Variants in ZNF248 observed in about 807,000 individuals in gnomAD.
ZNF248 encodes the protein zinc finger protein 248.
Under a neutral mutation model 44.3 loss-of-function variants are expected in ZNF248, and 20 were observed. The observed-to-expected ratio is 0.45, with a 90% CI of 0.32 to 0.66. The LOEUF is 0.66. ZNF248 is among the 30% of genes least tolerant of loss of function. The pLI, the probability that ZNF248 is intolerant of heterozygous loss-of-function variation, is 0.04. For synonymous variants in ZNF248, 224 were observed against 229.0 expected, an observed-to-expected ratio of 0.98 and a Z score of 0.20; for missense variants, 654 against 677.0, an observed-to-expected ratio of 0.97 and a Z score of 0.38.
At chr10:37,817,754 T>C (rs556591948) in intron 6 of ZNF248, among the ~76,000 whole-genome samples, 164 of 152,320 alleles carry the variant, frequency 1.1e-3, no homozygotes, top group African/African-American at 3.8e-3. Flanking sequence ...GTGTCTTTAA[T>C]AGGCAACAGC....
intron 6 of ZNF248, among the ~76,000 whole-genome samples, chr10:37,786,126 C>T (rs1248082255): frequency 6.6e-6 from 1 of 152,140 alleles, no homozygotes; most frequent in Non-Finnish European, 1.5e-5. Context: ...CTCACTAAGG[C>T]TGATCAAGCT....
chr10:37,758,929 A>G, the ZNF248 span, among the ~76,000 whole-genome samples: 11 of 152,224 alleles, frequency 7.2e-5, no homozygotes, highest in African/African-American at 2.7e-4. Flanking sequence ...CACATCTGAC[A>G]TCTTATTCTT....
At chr10:37,772,266 A>G (rs1015044906), downstream of ZNF248, among the ~76,000 whole-genome samples, 6 of 128,518 alleles carry the variant, frequency 4.7e-5, no homozygotes, top group African/African-American at 2.3e-4. Flanking sequence ...CTGTCTCAAG[A>G]AAAAAAAAAA....
chr10:37,767,170 G>A, the ZNF248 span, among the ~76,000 whole-genome samples: 1 of 152,168 alleles, frequency 6.6e-6, no homozygotes, highest in African/African-American at 2.4e-5. Flanking sequence ...AAAGTGACGG[G>A]GAGAAAGGAA....
intron 6 of ZNF248, among the ~76,000 whole-genome samples, chr10:37,808,096 CAATT>C (rs1160335559): frequency 2.0e-5 from 3 of 152,038 alleles, no homozygotes; most frequent in Non-Finnish European, 4.4e-5. Context: ...TTCTCTTCAT[CAATT>C]GACATCATGT....
At chr10:37,834,219 A>G (rs186018362) in intron 5 of ZNF248, among the ~76,000 whole-genome samples, 118 of 152,286 alleles carry the variant, frequency 7.7e-4, no homozygotes, top group Admixed American at 1.2e-3. Flanking sequence ...TTAAGGCTCC[A>G]CTTGCTCCAT....
intron 6 of ZNF248, among the ~76,000 whole-genome samples, chr10:37,793,216 T>C (rs11011368): frequency 0.027 from 4,173 of 151,974 alleles, 142 homozygotes; most frequent in African/African-American, 0.082. Flanking sequence ...ATGCCTGTAG[T>C]CCCAGCTACT....
At chr10:37,822,815 T>G (rs1274530553) in intron 6 of ZNF248, among the ~76,000 whole-genome samples, 1 of 152,122 alleles carries the variant, frequency 6.6e-6, no homozygotes, top group Non-Finnish European at 1.5e-5. Context: ...AAATTTGTGT[T>G]GGGCTGCATT....
chr10:37,821,667 C>A (rs1301591763), intron 6 of ZNF248, among the ~76,000 whole-genome samples: 1 of 152,202 alleles, frequency 6.6e-6, no homozygotes, highest in Non-Finnish European at 1.5e-5. Context: ...ACTGCTCAGT[C>A]CCAGTCCCTA....
At chr10:37,851,446 A>G (rs2060205873) in intron 3 of ZNF248, among the ~76,000 whole-genome samples, 1 of 152,188 alleles carries the variant, frequency 6.6e-6, no homozygotes, top group South Asian at 2.1e-4. Flanking sequence ...CCTTTGTCTT[A>G]ACGTTTCTCT....
At chr10:37,777,467 C>T (rs551357153) in intron 6 of ZNF248, among the ~76,000 whole-genome samples, 1 of 152,160 alleles carries the variant, frequency 6.6e-6, no homozygotes, top group African/African-American at 2.4e-5. Flanking sequence ...CAATGCGTCT[C>T]CAGAATCGCA....
At position 37,831,752 on chromosome 10, in the gene ZNF248, G is replaced by C. The variant is rs2055703949; in HGVS notation, c.1603C>G (p.Leu535Val). The C allele has an allele frequency of 1.9e-6, 3 of 1,613,140 alleles. No homozygotes were observed. Residue 535 changes from leucine to valine, a missense_variant, in exon 6 of 6, where the codon CTC (leucine) becomes GTC (valine). Coordinates refer to ENST00000395867, the MANE Select transcript of ZNF248 (RefSeq NM_021045.3). The part of the protein sequence containing the change: ...CGKTFCEKSA[L>V]TKHQRTHTGE... Reference sequence around the variant, plus strand: ...GTGTGAGTCCTCTGATGTTTAGTGAGAGCTGATTTTTCACAGAAGGTTTTC... The same window carrying C: ...GTGTGAGTCCTCTGATGTTTAGTGACAGCTGATTTTTCACAGAAGGTTTTC...
intron 3 of ZNF248, among the ~76,000 whole-genome samples, chr10:37,839,500 TACACAAAC>T (rs1564616600): frequency 8.6e-5 from 12 of 139,204 alleles, no homozygotes; most frequent in African/African-American, 3.1e-4. Context: ...TATACATGTA[TACACAAAC>T]ACACACACAC....
chr10:37,776,546 C>T (rs1702633490), exon 7 of ZNF248: 1 of 398,378 alleles, frequency 2.5e-6, no homozygotes, highest in East Asian at 3.6e-5. Flanking sequence ...TTCACAAGAA[C>T]TGCTTTCTTC....
intron 6 of ZNF248, among the ~76,000 whole-genome samples, chr10:37,788,239 T>C (rs1239159470): frequency 7.2e-6 from 1 of 138,552 alleles, no homozygotes; most frequent in Non-Finnish European, 1.5e-5. Context: ...CACCCTATCC[T>C]GGGCAACAGT....
the ZNF248 span, among the ~76,000 whole-genome samples, chr10:37,761,601 C>T: frequency 2.0e-5 from 3 of 152,176 alleles, no homozygotes; most frequent in Non-Finnish European, 2.9e-5. Context: ...AGCAGAGCTT[C>T]GTTGTTTCTT....
At chr10:37,855,850 G>C (rs537029549) in intron 3 of ZNF248, among the ~76,000 whole-genome samples, 1 of 152,200 alleles carries the variant, frequency 6.6e-6, no homozygotes, top group Non-Finnish European at 1.5e-5. Context: ...AAATAAGAAC[G>C]AGCTGACACA....
intron 3 of ZNF248, among the ~76,000 whole-genome samples, chr10:37,846,488 A>AT (rs1007668706): frequency 7.2e-5 from 11 of 151,926 alleles, no homozygotes; most frequent in Non-Finnish European, 1.3e-4. Context: ...CAAAAAAAAA[A>AT]TTTTTTAATT....
chr10:37,772,209 G>A (rs890255268), downstream of ZNF248, among the ~76,000 whole-genome samples: 4 of 151,524 alleles, frequency 2.6e-5, no homozygotes, highest in Non-Finnish European at 4.4e-5. Flanking sequence ...AGGTTGCAGT[G>A]AGCCAAGTTC....
Sources: gnomAD v4.1 joint callset for allele counts (sites outside exome capture counted in the v4.1 genomes callset) on GRCh38, gnomAD v4.1.1 for gene constraint, MANE v1.5 for transcripts, NCBI Gene and HGNC (gene_info 2026-07-23, HGNC 2026-07-21) for gene names.